The following GPD1L variants were observed in gnomAD, a reference collection of about 807,000 sequenced individuals.
GPD1L encodes glycerol-3-phosphate dehydrogenase 1 like.
GPD1L carries 17 observed loss-of-function variants against 32.9 expected under a neutral mutation model. The ratio of observed to expected loss-of-function variants is 0.52; its 90% CI spans 0.35 to 0.78. GPD1L has a LOEUF of 0.78. GPD1L is among the 30% of genes least tolerant of loss of function. GPD1L has a pLI of 0.01. For synonymous variants in GPD1L, 187 were observed against 165.9 expected (o/e 1.13, Z -0.98); for missense variants, 361 against 447.8 (o/e 0.81, Z 1.75).
chr3:32,163,670 G>C (rs183137613), intron 7 of GPD1L, among the ~76,000 whole-genome samples: 170 of 152,290 alleles, frequency 1.1e-3, no homozygotes, highest in African/African-American at 3.8e-3. Context: ...CTCATATATA[G>C]AATGGGGACA....
intron 1 of GPD1L, among the ~76,000 whole-genome samples, chr3:32,107,212 A>G (rs1325868283): frequency 6.6e-6 from 1 of 152,142 alleles, no homozygotes; most frequent in Non-Finnish European, 1.5e-5. Flanking sequence ...CTTGCTGCCC[A>G]GGTCACGGGC....
At chr3:32,159,820 C>T (rs1208683047) in intron 7 of GPD1L, 146 bp downstream of exon 7, 9 of 693,400 alleles carry the variant, frequency 1.3e-5, no homozygotes, top group Non-Finnish European at 2.2e-5. Flanking sequence ...GTGATGTGAA[C>T]GTCTGTGATG....
chr3:32,142,982 C>T (rs1700769322), intron 4 of GPD1L, among the ~76,000 whole-genome samples: 1 of 151,778 alleles, frequency 6.6e-6, no homozygotes, highest in South Asian at 2.1e-4. Context: ...TTTGAAATCA[C>T]CCTGGGAAAT....
chr3:32,150,802 A>G (rs986246151), intron 5 of GPD1L, among the ~76,000 whole-genome samples: 2 of 152,200 alleles, frequency 1.3e-5, no homozygotes, highest in African/African-American at 4.8e-5. Context: ...AGTGAAACTC[A>G]TCAATGGCTG....
At chr3:32,141,594 T>C (rs1333174727) in intron 4 of GPD1L, among the ~76,000 whole-genome samples, 1 of 151,944 alleles carries the variant, frequency 6.6e-6, no homozygotes, top group Non-Finnish European at 1.5e-5. Flanking sequence ...AGGAGAAGTA[T>C]CACAAATAAT....
At chr3:32,164,620 TGAAACTTGCCC>T (rs1701119970) in intron 7 of GPD1L, among the ~76,000 whole-genome samples, 1 of 152,204 alleles carries the variant, frequency 6.6e-6, no homozygotes, top group African/African-American at 2.4e-5. Flanking sequence ...AGAAGGATTG[TGAAACTTGCCC>T]AGAGTTAGTA....
At chr3:32,121,093 A>G (rs994388125) in intron 1 of GPD1L, among the ~76,000 whole-genome samples, 2 of 152,048 alleles carry the variant, frequency 1.3e-5, no homozygotes, top group Admixed American at 6.6e-5. Context: ...GCACCAAATT[A>G]GTGCTGTTTT....
Position 32,115,820 on chromosome 3 carries a change from G to A in GPD1L, c.47+9062G>A, listed in dbSNP as rs1476802520. On this transcript the variant is annotated intron_variant, in intron 1 of 7. Coordinates refer to ENST00000282541, the MANE Select transcript of GPD1L (RefSeq NM_015141.4). ...TTTTTTTTTTTTGAGACGGAGTCTCGCTCTGTTGCACAGGTTGGAGTGCAG... is the reference window on the plus strand; with the variant it reads ...TTTTTTTTTTTTGAGACGGAGTCTCACTCTGTTGCACAGGTTGGAGTGCAG... Among the ~76,000 whole-genome samples the A allele has an allele frequency of 3.8e-4, 39 of 102,106 alleles. 3 individuals are homozygous for A. The highest frequency in any genetic ancestry group is 3.2e-4 in the South Asian group (1 of 3,166). The allele number at this position is 102,106 out of a possible 152,430, so 67.0% of individuals were successfully genotyped here. A position where few individuals can be genotyped will look rare whatever the true frequency, so the allele number is the denominator to read the frequency against.
Position 32,138,694 on chromosome 3 carries a change from G to A in GPD1L, c.333G>A (p.Val111=), listed in dbSNP as rs1700700235. The part of the protein sequence containing the change: ...HRICDEITGR[V]PKKALGITLI... ...TCTGTGATGAGATCACTGGGAGAGT[G>A]CCCAAGAAAGCGCTGGGAATCACCC... The change falls in exon 3 of 8, where the codon GTG becomes GTA. Residue 111 remains valine (V), a synonymous_variant. Coordinates refer to ENST00000282541, the MANE Select transcript of GPD1L (RefSeq NM_015141.4). 3 of 1,614,082 alleles carry A rather than the reference G, an allele frequency of 1.9e-6. No individual in the cohort carries two copies.
intron 1 of GPD1L, among the ~76,000 whole-genome samples, chr3:32,113,522 T>C (rs1199556112): frequency 1.3e-5 from 2 of 151,996 alleles, no homozygotes; most frequent in East Asian, 3.9e-4. Flanking sequence ...TTCCCTTTCC[T>C]CCTCCCCAAC....
rs915047527 is a variant in GPD1L, at chr3:32,166,109, C to G, written c.*199C>G. On this transcript the variant is annotated 3_prime_UTR_variant, in exon 8 of 8. Coordinates refer to ENST00000282541, the MANE Select transcript of GPD1L (RefSeq NM_015141.4). ...ACTGGGCAGTAACTAAACACACATG[C>G]AAACATGTGAATGGTGGTTTATTCC... is the stretch of plus-strand genomic sequence containing the variant. The G allele has an allele frequency of 3.5e-5, 22 of 620,622 alleles. No individual in the cohort carries two copies. The highest frequency in any genetic ancestry group is 5.8e-5 in the Non-Finnish European group (20 of 342,110). 38.4% of individuals were successfully genotyped at this position (620,622 alleles called of 1,614,324 possible).
chr3:32,134,982 C>T (rs1423367364), intron 2 of GPD1L, among the ~76,000 whole-genome samples: 1 of 152,178 alleles, frequency 6.6e-6, no homozygotes, highest in Non-Finnish European at 1.5e-5. Context: ...TAATTTTTAT[C>T]TCTATTTTAC....
intron 1 of GPD1L, among the ~76,000 whole-genome samples, chr3:32,114,315 G>GCAAA (rs1354491561): frequency 1.8e-4 from 27 of 152,246 alleles, no homozygotes. Context: ...GTAAGAGAAG[G>GCAAA]CAAACCTTCA....
chr3:32,163,522 T>C (rs1290298072), intron 7 of GPD1L, among the ~76,000 whole-genome samples: 1 of 152,220 alleles, frequency 6.6e-6, no homozygotes, highest in African/African-American at 2.4e-5. Context: ...CTTTCACCTC[T>C]AACTTTATTT....
intron 1 of GPD1L, among the ~76,000 whole-genome samples, chr3:32,107,152 T>TA: frequency 6.6e-6 from 1 of 152,302 alleles, no homozygotes; most frequent in Admixed American, 6.5e-5. Flanking sequence ...CGAGCATTCT[T>TA]ACTGCAGTTT....
At chr3:32,122,059 G>A (rs1275601598) in intron 1 of GPD1L, among the ~76,000 whole-genome samples, 2 of 152,100 alleles carry the variant, frequency 1.3e-5, no homozygotes, top group Non-Finnish European at 2.9e-5. Context: ...GTGAGCCACC[G>A]TGCGCAGCAG....
chr3:32,156,611 T>C (rs543567937), intron 5 of GPD1L, among the ~76,000 whole-genome samples: 11 of 152,210 alleles, frequency 7.2e-5, no homozygotes, highest in African/African-American at 2.4e-4. Flanking sequence ...GGAGGCCCAA[T>C]TGGATGTTTT....
chr3:32,122,396 A>G (rs1464869869), intron 1 of GPD1L, among the ~76,000 whole-genome samples: 2 of 152,180 alleles, frequency 1.3e-5, no homozygotes, highest in African/African-American at 2.4e-5. Context: ...AATGGGGATA[A>G]TGTGCACCTC....
At chr3:32,139,162 G>GA (rs1700705560) in intron 3 of GPD1L, among the ~76,000 whole-genome samples, 1 of 152,240 alleles carries the variant, frequency 6.6e-6, no homozygotes, top group East Asian at 1.9e-4. Context: ...AAATGTGGTG[G>GA]AAAAAAATCC....
Sources: allele counts gnomAD v4.1 joint callset (sites outside exome capture counted in the v4.1 genomes callset), GRCh38; gene constraint gnomAD v4.1.1; transcripts MANE v1.5; gene names NCBI Gene and HGNC (gene_info 2026-07-23, HGNC 2026-07-21).